Variants in CACNA1B observed in about 807,000 individuals in gnomAD.
CACNA1B encodes the protein calcium voltage-gated channel subunit alpha1 B.
In CACNA1B, 70 loss-of-function variants were observed where a neutral mutation model predicts 247.2. The observed-to-expected ratio is 0.28, with a 90% confidence interval of 0.23 to 0.35. CACNA1B has a LOEUF of 0.35. Among genes scored for constraint, CACNA1B ranks in the 10% least tolerant of loss-of-function variants. The probability of loss-of-function intolerance (pLI) is 1.00; values close to 1 mark genes in which losing one functional copy is unlikely to be tolerated. For missense variants in CACNA1B, 2,367 were observed against 3,197.4 expected (o/e 0.74, Z 6.26); for synonymous variants, 1,231 against 1,294.4 (o/e 0.95, Z 1.05).
At chr9:137,938,206 A>G (rs1481940676) in intron 6 of CACNA1B, among the ~76,000 whole-genome samples, 2 of 152,154 alleles carry the variant, frequency 1.3e-5, no homozygotes, top group Non-Finnish European at 2.9e-5. Context: ...AGACAAACAA[A>G]TGCTGAGAGA....
intron 6 of CACNA1B, among the ~76,000 whole-genome samples, chr9:137,949,158 G>A: frequency 6.6e-6 from 1 of 150,920 alleles, no homozygotes; most frequent in Non-Finnish European, 1.5e-5. Flanking sequence ...CATGTGTGTG[G>A]TGTGTGCGCT....
Position 138,116,139 on chromosome 9 carries a change from G to A in CACNA1B, c.5777+460G>A, listed in dbSNP as rs143537276. 6.9e-4 allele frequency among the ~76,000 whole-genome samples: 105 copies of A among 152,240 alleles called. 2 individuals are homozygous for A. The East Asian group carries it at 0.014, about 20-fold the overall frequency. On this transcript the variant is annotated intron_variant, in intron 42 of 46. Transcript: ENST00000371372. Reference sequence around the variant, plus strand: ...TGCCCCTGCTCCTCATCGGCCCTCCGTGCCAGCAGACGCTGAGATTCCACC... The same window carrying A: ...TGCCCCTGCTCCTCATCGGCCCTCCATGCCAGCAGACGCTGAGATTCCACC...
chr9:138,103,192 G>A (rs1241837041), intron 38 of CACNA1B, among the ~76,000 whole-genome samples: 1 of 152,176 alleles, frequency 6.6e-6, no homozygotes, highest in Non-Finnish European at 1.5e-5. Flanking sequence ...TCAGAACAAA[G>A]CCCTAAGCCC....
At chr9:137,967,372 C>A (rs2133359613) in intron 10 of CACNA1B, among the ~76,000 whole-genome samples, 1 of 152,328 alleles carries the variant, frequency 6.6e-6, no homozygotes, top group Non-Finnish European at 1.5e-5. Flanking sequence ...ACTTTTCATT[C>A]TTGACTGTCG....
chr9:137,921,846 A>C (rs1288814539), intron 6 of CACNA1B, among the ~76,000 whole-genome samples: 2 of 146,822 alleles, frequency 1.4e-5, no homozygotes, highest in Non-Finnish European at 3.0e-5. Context: ...TCCTGGGAGC[A>C]GAGTAAAGTG....
At chr9:137,993,492 T>C (rs1958459698) in intron 15 of CACNA1B, among the ~76,000 whole-genome samples, 1 of 152,040 alleles carries the variant, frequency 6.6e-6, no homozygotes, top group African/African-American at 2.4e-5. Flanking sequence ...ATAAGCTCAA[T>C]TAGAAATGAA....
At chr9:138,112,602 C>A in intron 40 of CACNA1B, 97 bp downstream of exon 40, 1 of 813,444 alleles carries the variant, frequency 1.2e-6, no homozygotes. Context: ...GGATGAAGGG[C>A]AGGCCACCTT....
rs1407591155 is a variant in CACNA1B at position 138,087,398 on chromosome 9, A to AG, written c.5095-9086_5095-9085insG. On this transcript the variant is annotated intron_variant, in intron 36 of 46. Coordinates refer to ENST00000371372, the MANE Select transcript of CACNA1B (RefSeq NM_000718.4). The stretch of plus-strand genomic sequence containing the variant: ...AGACTCTGTCTCAAAAAAAAAAAAA[A>AG]AAAAAGAAAAAGAAAAAAAAGAAAA... 2.8e-5 allele frequency among the ~76,000 whole-genome samples: 4 copies of AG among 144,688 alleles called. No individual in the cohort carries two copies. In the East Asian group the frequency reaches 6.6e-4, roughly 24 times the overall value. The allele number at this position is 144,688 out of a possible 152,430, so 94.9% of individuals were successfully genotyped here. A position where few individuals can be genotyped will look rare whatever the true frequency, so the allele number is the denominator to read the frequency against.
At chr9:138,001,978 A>G (rs1359956347) in intron 15 of CACNA1B, among the ~76,000 whole-genome samples, 2 of 152,306 alleles carry the variant, frequency 1.3e-5, no homozygotes, top group East Asian at 3.9e-4. Context: ...GTTCTCCCCA[A>G]TTTAATTTAT....
At position 138,118,023 on chromosome 9, in the gene CACNA1B, G is replaced by T. The variant is rs997657520; in HGVS notation, c.5855G>T (p.Arg1952Met). The T allele has an allele frequency of 1.3e-5, 21 of 1,601,190 alleles. No individual in the cohort carries two copies. Among genetic ancestry groups the T allele is most frequent in the Non-Finnish European group, 1.7e-5 (20 of 1,174,062 alleles). The change falls in exon 43 of 47, where the codon AGG becomes ATG. Residue 1952 changes from arginine (R) to methionine (M), a missense_variant. Arg to Met is a moderately conservative substitution (Grantham distance 91). This residue lies in a region of CACNA1B where 773 missense variants were observed against 779.4 expected (regional missense o/e 0.99). Coordinates refer to ENST00000371372, the MANE Select transcript of CACNA1B (RefSeq NM_000718.4). ...ACCCAGGATGCACCCCATGAGGCCA[G>T]GCCACCCCTGGAGCGTGGCCACTCC... ...QRTQDAPHEARPPLERGHSTE... is the reference protein window; with the variant it reads ...QRTQDAPHEAMPPLERGHSTE...
At chr9:137,949,213 GTGGTGTGA>G (rs1174043896) in intron 6 of CACNA1B, among the ~76,000 whole-genome samples, 4 of 149,642 alleles carry the variant, frequency 2.7e-5, no homozygotes, top group South Asian at 2.1e-4. Context: ...TCTGGTATGT[GTGGTGTGA>G]GTGTGTGTGT....
Position 138,057,724 on chromosome 9 carries a change from A to G in CACNA1B, c.3969-8A>G. 1 of 1,603,226 alleles carries G rather than the reference A, an allele frequency of 6.2e-7. No homozygotes were observed. The highest frequency in any genetic ancestry group is 8.5e-7 in the Non-Finnish European group (1 of 1,171,386). The stretch of plus-strand genomic sequence containing the variant: ...TTGCCCTCTAACCTCCCATGTTCTC[A>G]TTCCTAGGGGTCAGTATTTGGATTA... On this transcript the variant is annotated splice_polypyrimidine_tract_variant and splice_region_variant and intron_variant, in intron 26 of 46. Coordinates refer to ENST00000371372, the MANE Select transcript of CACNA1B (RefSeq NM_000718.4). This position sits in a 1 kb window ranked among gnomAD's most constrained non-coding sequence, Gnocchi z 4.0.
Position 137,882,259 on chromosome 9 carries a change from A to G in CACNA1B, c.391-485A>G, listed in dbSNP as rs143955329. On this transcript the variant is annotated intron_variant, in intron 2 of 46. Coordinates refer to ENST00000371372, the MANE Select transcript of CACNA1B (RefSeq NM_000718.4). The surrounding 1 kb of genome is among the most constrained non-coding windows in gnomAD (Gnocchi z 4.0). ...TGTGGCCTCTGCCTGGCTCCTGGGC[A>G]TCTCTGTGCCTCTGTCTCCCACATG... Among the ~76,000 whole-genome samples the G allele has an allele frequency of 3.2e-4, 49 of 152,292 alleles. No homozygotes were observed. In the East Asian group the frequency reaches 9.1e-3, roughly 28 times the overall value.
intron 3 of CACNA1B, chr9:137,892,409 C>T (rs1318008760): frequency 2.2e-6 from 1 of 452,932 alleles, no homozygotes; most frequent in African/African-American, 2.0e-5. Context: ...GCGGGGTCCA[C>T]TGTGGCCATG....
At chr9:138,107,044 G>A (rs1961451634) in intron 39 of CACNA1B, among the ~76,000 whole-genome samples, 2 of 151,932 alleles carry the variant, frequency 1.3e-5, no homozygotes, top group Non-Finnish European at 2.9e-5. Context: ...CAAACTTTGG[G>A]TGTGCCTTTG....
At chr9:138,108,308 C>CAAA (rs935431476) in intron 39 of CACNA1B, among the ~76,000 whole-genome samples, 109 of 43,910 alleles carry the variant, frequency 2.5e-3, no homozygotes, top group African/African-American at 6.1e-3. Flanking sequence ...AACCCCATCT[C>CAAA]AAAAAAAAAA....
rs1958713119 is a variant in CACNA1B at position 138,010,692 on chromosome 9, C to T, written c.2160+615C>T. On this transcript the variant is annotated intron_variant, in intron 17 of 46. Coordinates refer to ENST00000371372, the MANE Select transcript of CACNA1B (RefSeq NM_000718.4). The surrounding 1 kb of genome is among the most constrained non-coding windows in gnomAD (Gnocchi z 5.3). ...GCTGCAAACGTCCCACGTGCATGCTCTGCACATCAGTGTGTACCTGTGTGT... is the reference window on the plus strand; with the variant it reads ...GCTGCAAACGTCCCACGTGCATGCTTTGCACATCAGTGTGTACCTGTGTGT... 6.6e-6 allele frequency among the ~76,000 whole-genome samples: 1 copy of T among 152,158 alleles called. No individual in the cohort carries two copies. Among genetic ancestry groups the T allele is most frequent in the Non-Finnish European group, 1.5e-5 (1 of 68,018 alleles).
chr9:138,113,344 G>C (rs1961727958), intron 40 of CACNA1B, among the ~76,000 whole-genome samples: 1 of 149,194 alleles, frequency 6.7e-6, no homozygotes, highest in Non-Finnish European at 1.5e-5. Flanking sequence ...ACGAGGAGGT[G>C]CCCAACTCCA....
At chr9:137,884,978 T>G (rs1338458804) in intron 3 of CACNA1B, among the ~76,000 whole-genome samples, 1 of 59,390 alleles carries the variant, frequency 1.7e-5, no homozygotes, top group African/African-American at 8.0e-5. Flanking sequence ...CTCCTCCCAC[T>G]TTGCCTGTCT....
Sources: allele counts gnomAD v4.1 joint callset (sites outside exome capture counted in the v4.1 genomes callset), GRCh38; gene constraint gnomAD v4.1.1; regional missense constraint gnomAD v4.1.1; non-coding constraint Gnocchi (gnomAD v3.1); transcripts MANE v1.5; gene names NCBI Gene and HGNC (gene_info 2026-07-23, HGNC 2026-07-21).